DTWD2: variants seen among roughly 807,000 people sequenced by gnomAD.
The protein encoded by DTWD2 is DTW motif tRNA-uridine aminocarboxypropyltransferase 2, also known as tRNA-uridine aminocarboxypropyltransferase 2.
Under a neutral mutation model 31.8 loss-of-function variants are expected in DTWD2, and 39 were observed. That is an observed-to-expected ratio of 1.22 (90% CI 0.95 to 1.60). DTWD2 has a LOEUF of 1.60. DTWD2 is among the 40% of genes most tolerant of loss of function. DTWD2 has a pLI of 0.00. For synonymous variants in DTWD2, 180 were observed against 142.8 expected, an observed-to-expected ratio of 1.26 and a Z score of -1.86; for missense variants, 515 against 381.5, an observed-to-expected ratio of 1.35 and a Z score of -2.92.
intron 4 of DTWD2, among the ~76,000 whole-genome samples, chr5:118,858,441 G>A (rs76319750): frequency 0.018 from 2,680 of 152,302 alleles, 78 homozygotes; most frequent in African/African-American, 0.056. Flanking sequence ...CAGGAGAAAA[G>A]TGTGATTGTC....
rs774995062 is a variant in DTWD2 at position 118,988,490 on chromosome 5, G to A, written c.22C>T (p.Arg8Ter). Reference protein sequence around the residue: MESQKEARTLQEPVARPS... With the variant: MESQKEA Reference sequence around the variant, plus strand: ...CGCGCAACGGGCTCCTGGAGTGTTCGTGCCTCTTTCTGCGACTCCATGGCG... The same window carrying A: ...CGCGCAACGGGCTCCTGGAGTGTTCATGCCTCTTTCTGCGACTCCATGGCG... The change falls in exon 1 of 6, where the codon CGA becomes TGA. Residue 8 changes from arginine (R) to a stop codon, truncating the protein, a stop_gained. Coordinates refer to ENST00000510708, the MANE Select transcript of DTWD2 (RefSeq NM_173666.4). LOFTEE classifies it high-confidence loss of function. 8.2e-6 allele frequency: 13 copies of A among 1,589,112 alleles called. No individual in the cohort carries two copies. Among genetic ancestry groups the A allele is most frequent in the Middle Eastern group, 2.3e-4 (1 of 4,438 alleles).
chr5:118,974,636 C>T (rs1008158965), intron 1 of DTWD2: 2 of 505,994 alleles, frequency 4.0e-6, no homozygotes, highest in Non-Finnish European at 7.9e-6. Context: ...CTTAGCTGTA[C>T]TATAAGTAGT....
At chr5:118,988,219 C>T (rs953053299) in intron 1 of DTWD2, 75 bp downstream of exon 1, 1 of 1,520,858 alleles carries the variant, frequency 6.6e-7, no homozygotes, top group Non-Finnish European at 8.8e-7. Flanking sequence ...GCCGCCGACT[C>T]CCCGGCAGGG....
rs1290042906 is a variant in DTWD2, at chr5:118,928,804, CTAA to C, written c.405-78_405-76del. On this transcript the variant is annotated intron_variant, in intron 3 of 5. Coordinates refer to ENST00000510708, the MANE Select transcript of DTWD2 (RefSeq NM_173666.4). ...GGTTTTATTATGCTTACTGAATTTC[CTAA>C]TAAAAGTTTCCCTATATGTAGTCAT... 5 of 1,236,348 alleles carry C rather than the reference CTAA, an allele frequency of 4.0e-6. No homozygotes were observed. The African/African-American group carries it at 7.6e-5, about 19-fold the overall frequency. 76.6% of individuals were successfully genotyped at this position (1,236,348 alleles called of 1,614,324 possible).
intron 1 of DTWD2, among the ~76,000 whole-genome samples, chr5:118,987,221 C>T (rs1268514620): frequency 6.6e-6 from 1 of 152,162 alleles, no homozygotes; most frequent in East Asian, 1.9e-4. Flanking sequence ...TTCACAAACC[C>T]CTATGTTCAA....
At chr5:118,966,748 G>A (rs912640676) in intron 1 of DTWD2, among the ~76,000 whole-genome samples, 1 of 152,122 alleles carries the variant, frequency 6.6e-6, no homozygotes, top group African/African-American at 2.4e-5. Context: ...GTCAATCAGA[G>A]GCCAGGCACA....
At chr5:118,931,543 C>T (rs1252717185) in intron 3 of DTWD2, among the ~76,000 whole-genome samples, 1 of 151,994 alleles carries the variant, frequency 6.6e-6, no homozygotes, top group Non-Finnish European at 1.5e-5. Flanking sequence ...ACATAACAAT[C>T]TTTTAACATG....
intron 1 of DTWD2, among the ~76,000 whole-genome samples, chr5:118,985,303 G>C (rs982439162): frequency 6.6e-6 from 1 of 151,648 alleles, no homozygotes; most frequent in Non-Finnish European, 1.5e-5. Flanking sequence ...ATTTCGTTAT[G>C]TCCTTCAGTC....
intron 4 of DTWD2, among the ~76,000 whole-genome samples, chr5:118,870,340 GT>G (rs1752475024): frequency 6.6e-6 from 1 of 152,088 alleles, no homozygotes; most frequent in Non-Finnish European, 1.5e-5. Context: ...ATAAACTACT[GT>G]ACAATCATTC....
At chr5:118,932,700 G>C (rs904119404) in intron 3 of DTWD2, among the ~76,000 whole-genome samples, 3 of 152,164 alleles carry the variant, frequency 2.0e-5, no homozygotes, top group Admixed American at 6.5e-5. Context: ...CCTGTTCAGA[G>C]GGACAACCAT....
intron 4 of DTWD2, among the ~76,000 whole-genome samples, chr5:118,927,068 GAA>G (rs1753824781): frequency 6.6e-6 from 1 of 152,182 alleles, no homozygotes; most frequent in African/African-American, 2.4e-5. Context: ...GAGAGACAGA[GAA>G]AGAGAGAGAG....
At chr5:118,889,299 T>C (rs1654755258) in intron 4 of DTWD2, among the ~76,000 whole-genome samples, 1 of 152,018 alleles carries the variant, frequency 6.6e-6, no homozygotes, top group Non-Finnish European at 1.5e-5. Flanking sequence ...ACAGAATCCA[T>C]ATAAAGCTAA....
intron 1 of DTWD2, among the ~76,000 whole-genome samples, chr5:118,952,237 G>A (rs948073647): frequency 9.2e-5 from 14 of 152,314 alleles, no homozygotes; most frequent in Middle Eastern, 3.4e-3. Flanking sequence ...TCTCCCAAGG[G>A]AGGTCCCCCA....
At chr5:118,861,252 G>C (rs191188820) in intron 4 of DTWD2, among the ~76,000 whole-genome samples, 127 of 152,280 alleles carry the variant, frequency 8.3e-4, no homozygotes, top group African/African-American at 2.9e-3. Flanking sequence ...CCTAAAGTTT[G>C]ATGTTCTAAT....
chr5:118,916,212 C>T (rs1053388908), intron 4 of DTWD2, among the ~76,000 whole-genome samples: 1 of 152,138 alleles, frequency 6.6e-6, no homozygotes, highest in Non-Finnish European at 1.5e-5. Flanking sequence ...AACTCTGTTG[C>T]CTATCTGATT....
At chr5:118,944,236 G>A (rs1289027249) in intron 2 of DTWD2, among the ~76,000 whole-genome samples, 4 of 152,110 alleles carry the variant, frequency 2.6e-5, no homozygotes, top group African/African-American at 7.2e-5. Context: ...CATAAGCTAT[G>A]ACCAAAATTT....
At chr5:118,864,263 A>G (rs1752332190) in intron 4 of DTWD2, among the ~76,000 whole-genome samples, 1 of 150,516 alleles carries the variant, frequency 6.6e-6, no homozygotes, top group Admixed American at 6.6e-5. Context: ...TATCATTCTC[A>G]GTAAACTATT....
chr5:118,939,186 G>T lies in DTWD2; in HGVS notation c.404+10C>A, dbSNP rs1754120281. The stretch of plus-strand genomic sequence containing the variant: ...AAGAATTATTTACATTGCCCTAACA[G>T]TTAATTTACCTTTCTTCACTGAAGC... On this transcript the variant is annotated intron_variant, in intron 3 of 5. Coordinates refer to ENST00000510708, the MANE Select transcript of DTWD2 (RefSeq NM_173666.4). 1 of 1,595,990 alleles carries T rather than the reference G, an allele frequency of 6.3e-7. No individual in the cohort carries two copies. Among genetic ancestry groups the T allele is most frequent in the Non-Finnish European group, 8.5e-7 (1 of 1,172,074 alleles).
At chr5:118,917,621 T>C (rs1753608765) in intron 4 of DTWD2, among the ~76,000 whole-genome samples, 1 of 152,126 alleles carries the variant, frequency 6.6e-6, no homozygotes, top group South Asian at 2.1e-4. Context: ...AAACATGTCC[T>C]TCACATGGGG....
Sources: allele counts gnomAD v4.1 joint callset (sites outside exome capture counted in the v4.1 genomes callset), GRCh38; gene constraint gnomAD v4.1.1; transcripts MANE v1.5; gene names NCBI Gene and HGNC (gene_info 2026-07-23, HGNC 2026-07-21).